The following XKR6 variants were observed in gnomAD, a reference collection of about 807,000 sequenced individuals.
The protein encoded by XKR6 is XK related 6.
XKR6 carries 22 observed loss-of-function variants against 56.7 expected under a neutral mutation model. The ratio of observed to expected loss-of-function variants is 0.39; its 90% CI spans 0.28 to 0.55. The LOEUF is 0.55. XKR6 is among the 20% of genes least tolerant of loss of function. The pLI is 0.66. For synonymous variants in XKR6, 524 were observed against 387.8 expected (o/e 1.35, Z -4.13); for missense variants, 852 against 889.0 (o/e 0.96, Z 0.53).
intron 2 of XKR6, among the ~76,000 whole-genome samples, chr8:10,901,959 A>G (rs1798295152): frequency 6.6e-6 from 1 of 152,174 alleles, no homozygotes; most frequent in South Asian, 2.1e-4. Flanking sequence ...TGCAAAGCCA[A>G]ATAGAATTCT....
chr8:11,147,394 G>A (rs956341156), intron 1 of XKR6, among the ~76,000 whole-genome samples: 2 of 152,246 alleles, frequency 1.3e-5, no homozygotes, highest in African/African-American at 2.4e-5. Flanking sequence ...GGCCAGGCGC[G>A]GTGGCTCACG....
intron 1 of XKR6, among the ~76,000 whole-genome samples, chr8:11,082,730 C>T (rs895733060): frequency 6.6e-6 from 1 of 152,158 alleles, no homozygotes; most frequent in Non-Finnish European, 1.5e-5. Context: ...AACTGGGACA[C>T]AGCTCAGGTT....
intron 1 of XKR6, among the ~76,000 whole-genome samples, chr8:11,159,856 C>T (rs1025308173): frequency 1.3e-5 from 2 of 152,106 alleles, no homozygotes; most frequent in African/African-American, 2.4e-5. Context: ...CTCTTCTGGC[C>T]TTTAGAATGT....
intron 1 of XKR6, among the ~76,000 whole-genome samples, chr8:11,156,451 A>G (rs115172559): frequency 2.0e-5 from 3 of 152,328 alleles, no homozygotes; most frequent in African/African-American, 7.2e-5. Flanking sequence ...GAGGGCAGAC[A>G]TTACATTAAC....
chr8:11,126,279 G>A (rs1337121320), intron 1 of XKR6, among the ~76,000 whole-genome samples: 1 of 152,014 alleles, frequency 6.6e-6, no homozygotes. Context: ...TATTGGTCAG[G>A]CTGGTCTTGA....
chr8:11,158,146 A>G (rs1007024858), intron 1 of XKR6, among the ~76,000 whole-genome samples: 1 of 152,194 alleles, frequency 6.6e-6, no homozygotes, highest in East Asian at 1.9e-4. Context: ...ACCGGGACTC[A>G]GTGAGGAGTG....
intron 1 of XKR6, among the ~76,000 whole-genome samples, chr8:10,959,421 C>A (rs1801995979): frequency 6.6e-6 from 1 of 152,086 alleles, no homozygotes; most frequent in Non-Finnish European, 1.5e-5. Flanking sequence ...ACAAAATACC[C>A]CTGGGTGGCT....
At chr8:10,992,246 A>C (rs1036837652) in intron 1 of XKR6, among the ~76,000 whole-genome samples, 5 of 151,594 alleles carry the variant, frequency 3.3e-5, no homozygotes, top group Non-Finnish European at 7.4e-5. Flanking sequence ...ATTAACCATA[A>C]ACTAACTCTC....
chr8:11,052,215 A>G (rs1014987115), intron 1 of XKR6, among the ~76,000 whole-genome samples: 1 of 151,906 alleles, frequency 6.6e-6, no homozygotes, highest in Non-Finnish European at 1.5e-5. Context: ...GGCTTCTTGG[A>G]TCTGATGTGC....
At chr8:11,135,903 A>G (rs573200909) in intron 1 of XKR6, among the ~76,000 whole-genome samples, 1 of 152,286 alleles carries the variant, frequency 6.6e-6, no homozygotes, top group East Asian at 1.9e-4. Flanking sequence ...TTCTCCCAAA[A>G]TGCAAAAACC....
chr8:11,191,387 T>C (rs1181839002), intron 1 of XKR6, among the ~76,000 whole-genome samples: 3 of 152,200 alleles, frequency 2.0e-5, no homozygotes, highest in Non-Finnish European at 4.4e-5. Flanking sequence ...ACAAGTTACC[T>C]ACCGATTGCC....
intron 1 of XKR6, among the ~76,000 whole-genome samples, chr8:11,113,398 T>C (rs1799002610): frequency 6.6e-6 from 1 of 152,140 alleles, no homozygotes; most frequent in African/African-American, 2.4e-5. Context: ...CCAAAAAAGT[T>C]TTACTAAAAT....
intron 1 of XKR6, among the ~76,000 whole-genome samples, chr8:10,965,148 A>G (rs906641582): frequency 3.9e-5 from 6 of 152,194 alleles, no homozygotes; most frequent in African/African-American, 1.4e-4. Context: ...GGCCTCATGG[A>G]TGGCGGGTCC....
intron 1 of XKR6, among the ~76,000 whole-genome samples, chr8:10,978,926 T>C (rs6996943): frequency 0.57 from 86,198 of 152,056 alleles, 27,285 homozygotes; most frequent in African/African-American, 0.84. Context: ...CTGGCCCAGC[T>C]TCAGCCCTGT....
intron 1 of XKR6, among the ~76,000 whole-genome samples, chr8:11,122,015 T>C (rs1056609471): frequency 1.3e-5 from 2 of 152,182 alleles, no homozygotes; most frequent in African/African-American, 4.8e-5. Context: ...AAGGGGAACA[T>C]CACACACAAT....
chr8:11,025,240 C>T (rs1798834529), intron 1 of XKR6, among the ~76,000 whole-genome samples: 1 of 152,238 alleles, frequency 6.6e-6, no homozygotes, highest in African/African-American at 2.4e-5. Flanking sequence ...CCGCCAGATT[C>T]ATGTCTACTC....
chr8:11,144,925 AAAGGGAGAGAAGCGAGGAAAG>A (rs1475198115), intron 1 of XKR6, among the ~76,000 whole-genome samples: 1 of 149,780 alleles, frequency 6.7e-6, no homozygotes, highest in Non-Finnish European at 1.5e-5. Context: ...GGAAAGAAGG[AAAGGGAGAGAAGCGAGGAAAG>A]AAGGGAGAGA....
At chr8:11,016,132 C>T (rs1798615791) in intron 1 of XKR6, among the ~76,000 whole-genome samples, 1 of 152,216 alleles carries the variant, frequency 6.6e-6, no homozygotes, top group South Asian at 2.1e-4. Context: ...CCTCGCATCC[C>T]ACCGTGGGGG....
At chr8:10,921,059 G>T (rs373982506) in intron 2 of XKR6, among the ~76,000 whole-genome samples, 2 of 152,260 alleles carry the variant, frequency 1.3e-5, no homozygotes, top group African/African-American at 4.8e-5. Flanking sequence ...TTTCCAAGGG[G>T]TCTGCTCTTG....
Sources: allele counts gnomAD v4.1 joint callset (sites outside exome capture counted in the v4.1 genomes callset), GRCh38; gene constraint gnomAD v4.1.1; transcripts MANE v1.5; gene names NCBI Gene and HGNC (gene_info 2026-07-23, HGNC 2026-07-21).